The following GALNT14 variants were observed in gnomAD, a reference collection of about 807,000 sequenced individuals.
GALNT14 encodes UDP-GalNAc:polypeptide N-acetylgalactosaminyltransferase 14.
GALNT14 carries 60 observed loss-of-function variants against 77.5 expected under a neutral mutation model. That is an observed-to-expected ratio of 0.77 (90% CI 0.63 to 0.96). GALNT14 has a LOEUF of 0.96. GALNT14 is among the 40% of genes least tolerant of loss of function. GALNT14 has a pLI of 0.00. For synonymous variants in GALNT14, 280 were observed against 281.7 expected, an observed-to-expected ratio of 0.99 and a Z score of 0.06; for missense variants, 710 against 731.0, an observed-to-expected ratio of 0.97 and a Z score of 0.33.
chr2:30,902,364 A>G, the GALNT14 span, among the ~76,000 whole-genome samples: 1 of 152,176 alleles, frequency 6.6e-6, no homozygotes, highest in Non-Finnish European at 1.5e-5. Flanking sequence ...TTGAACCTCC[A>G]TTTTCCACTA....
chr2:31,082,851 C>G (rs180999420), intron 1 of GALNT14, among the ~76,000 whole-genome samples: 1 of 152,182 alleles, frequency 6.6e-6, no homozygotes, highest in African/African-American at 2.4e-5. Flanking sequence ...AACCCTGTCT[C>G]TACTAAATAT....
At chr2:30,980,202 C>T (rs62141385) in intron 2 of GALNT14, among the ~76,000 whole-genome samples, 2 of 152,248 alleles carry the variant, frequency 1.3e-5, no homozygotes, top group South Asian at 4.1e-4. Flanking sequence ...AGCTGGAGAG[C>T]AGGGTGCAGA....
the GALNT14 span, among the ~76,000 whole-genome samples, chr2:30,902,066 C>T: frequency 1.3e-5 from 2 of 152,176 alleles, no homozygotes; most frequent in Non-Finnish European, 1.5e-5. Context: ...ACTGAGGGCT[C>T]TCATTCAGCA....
downstream of GALNT14, among the ~76,000 whole-genome samples, chr2:30,907,105 C>G (rs1162403758): frequency 6.6e-6 from 1 of 152,116 alleles, no homozygotes; most frequent in African/African-American, 2.4e-5. Flanking sequence ...CAAGAGAAAG[C>G]AGGAAAGATC....
intron 1 of GALNT14, among the ~76,000 whole-genome samples, chr2:31,079,230 T>A (rs557390496): frequency 5.3e-4 from 80 of 152,306 alleles, no homozygotes; most frequent in African/African-American, 1.7e-3. Flanking sequence ...GAAGCCATGC[T>A]TCTAGGGATG....
the GALNT14 span, among the ~76,000 whole-genome samples, chr2:30,901,753 C>T: frequency 6.6e-6 from 1 of 151,872 alleles, no homozygotes; most frequent in Non-Finnish European, 1.5e-5. Context: ...ACCAATAAAA[C>T]ACTCAGATGT....
At chr2:30,969,703 G>A (rs956049016) in intron 2 of GALNT14, among the ~76,000 whole-genome samples, 5 of 152,134 alleles carry the variant, frequency 3.3e-5, no homozygotes, top group East Asian at 1.9e-4. Flanking sequence ...TACAGACCAC[G>A]TGAGGCAGTT....
intron 1 of GALNT14, among the ~76,000 whole-genome samples, chr2:31,119,813 T>A (rs1376737457): frequency 6.6e-6 from 1 of 152,172 alleles, no homozygotes; most frequent in Non-Finnish European, 1.5e-5. Flanking sequence ...TGGAAATAGC[T>A]GAATAAAATA....
At chr2:30,917,001 T>C (rs1392247821) in intron 13 of GALNT14, among the ~76,000 whole-genome samples, 4 of 136,252 alleles carry the variant, frequency 2.9e-5, no homozygotes, top group African/African-American at 8.5e-5. Context: ...TGCTGGAGCC[T>C]GGGAGACAGA....
At chr2:30,957,632 T>C (rs1183691699) in intron 4 of GALNT14, among the ~76,000 whole-genome samples, 1 of 152,198 alleles carries the variant, frequency 6.6e-6, no homozygotes, top group African/African-American at 2.4e-5. Flanking sequence ...GGTAGGGGTT[T>C]CCAGCCTTCG....
chr2:31,031,483 G>A (rs1376958770), intron 1 of GALNT14, among the ~76,000 whole-genome samples: 1 of 151,962 alleles, frequency 6.6e-6, no homozygotes, highest in Non-Finnish European at 1.5e-5. Context: ...TCTTACTTTC[G>A]GTCCAGTCTA....
intron 1 of GALNT14, among the ~76,000 whole-genome samples, chr2:31,032,169 G>T (rs1377986276): frequency 2.0e-5 from 3 of 152,228 alleles, no homozygotes; most frequent in African/African-American, 7.2e-5. Context: ...GGACCAGCCA[G>T]GGGCCTGGGG....
intron 11 of GALNT14, 81 bp downstream of exon 11, chr2:30,929,314 C>T: frequency 1.9e-6 from 2 of 1,072,590 alleles, no homozygotes; most frequent in Non-Finnish European, 2.8e-6. Flanking sequence ...GCTGACTGGC[C>T]TATCGGCACC....
chr2:30,963,306 C>T lies in GALNT14; in HGVS notation c.398+2898G>A, dbSNP rs746085164. Among the ~76,000 whole-genome samples the T allele has an allele frequency of 8.5e-5, 13 of 152,348 alleles. 1 individual carries two copies. The highest frequency in any genetic ancestry group is 6.2e-4 in the South Asian group (3 of 4,828). Reference sequence around the variant, plus strand: ...CCTCCAGGAAACCCAGGAAAGCTGACGCCTGATGCCTCTGCTCTCAACAAG... The same window carrying T: ...CCTCCAGGAAACCCAGGAAAGCTGATGCCTGATGCCTCTGCTCTCAACAAG... On this transcript the variant is annotated intron_variant, in intron 3 of 14. Coordinates refer to ENST00000349752, the MANE Select transcript of GALNT14 (RefSeq NM_024572.4).
intron 1 of GALNT14, among the ~76,000 whole-genome samples, chr2:31,024,873 C>T (rs1671945310): frequency 6.6e-6 from 1 of 152,140 alleles, no homozygotes; most frequent in Admixed American, 6.5e-5. Flanking sequence ...CACGGCAGGG[C>T]TCTAGGACCA....
chr2:31,086,913 A>G (rs1341787317), intron 1 of GALNT14, among the ~76,000 whole-genome samples: 1 of 152,230 alleles, frequency 6.6e-6, no homozygotes, highest in Admixed American at 6.5e-5. Flanking sequence ...GGATGGATAC[A>G]TTCTAATTAG....
intron 1 of GALNT14, among the ~76,000 whole-genome samples, chr2:31,031,231 G>A (rs999715646): frequency 6.6e-6 from 1 of 152,108 alleles, no homozygotes; most frequent in African/African-American, 2.4e-5. Context: ...TAGGAGTCCT[G>A]TCAGGTCACC....
intron 1 of GALNT14, among the ~76,000 whole-genome samples, chr2:31,115,962 A>C (rs1012049048): frequency 1.3e-5 from 2 of 152,226 alleles, no homozygotes; most frequent in African/African-American, 2.4e-5. Flanking sequence ...TTGAAGCTAC[A>C]GTGAGCTATG....
In GALNT14 at chr2:30,989,818, G is replaced by A. The variant is rs1219031487; in HGVS notation, c.299+3020C>T. On this transcript the variant is annotated intron_variant, in intron 2 of 14. Transcript: ENST00000349752. Reference sequence around the variant, plus strand: ...CCAAAAGAGGAAACTGAGGTACAGAGAAGCTAGGCAACTTTAAGTTTACTC... The same window carrying A: ...CCAAAAGAGGAAACTGAGGTACAGAAAAGCTAGGCAACTTTAAGTTTACTC... Among the ~76,000 whole-genome samples the A allele has an allele frequency of 2.0e-5, 3 of 151,016 alleles. No homozygotes were observed. The South Asian group carries it at 6.3e-4, about 32-fold the overall frequency.
Sources: allele counts gnomAD v4.1 joint callset (sites outside exome capture counted in the v4.1 genomes callset), GRCh38; gene constraint gnomAD v4.1.1; transcripts MANE v1.5; gene names NCBI Gene and HGNC (gene_info 2026-07-23, HGNC 2026-07-21).